ITPR1: variants seen among roughly 807,000 people sequenced by gnomAD.
ITPR1 encodes the protein inositol 1,4,5-trisphosphate-gated calcium channel ITPR1.
ITPR1 carries 96 observed loss-of-function variants against 318.4 expected under a neutral mutation model. The ratio of observed to expected loss-of-function variants is 0.30; its 90% CI spans 0.26 to 0.36. ITPR1 has a LOEUF of 0.36. Ranked by LOEUF, ITPR1 falls within the 10% of genes least tolerant of loss-of-function variation. The pLI is 1.00. For missense variants in ITPR1, 2,440 were observed against 3,460.2 expected (o/e 0.71, Z 7.40); for synonymous variants, 1,312 against 1,289.9 (o/e 1.02, Z -0.37).
At chr3:4,612,264 G>A (rs2092172702) in intron 4 of ITPR1, among the ~76,000 whole-genome samples, 1 of 151,990 alleles carries the variant, frequency 6.6e-6, no homozygotes, top group Admixed American at 6.5e-5. Flanking sequence ...GTTTCACCAT[G>A]TTGGCCAGGC....
intron 4 of ITPR1, among the ~76,000 whole-genome samples, chr3:4,597,916 C>T (rs964431843): frequency 6.6e-6 from 1 of 152,152 alleles, no homozygotes; most frequent in African/African-American, 2.4e-5. Flanking sequence ...TCTGTGGAGA[C>T]CAATCCCATG....
At chr3:4,668,194 A>G (rs1209726772) in intron 18 of ITPR1, among the ~76,000 whole-genome samples, 1 of 150,552 alleles carries the variant, frequency 6.6e-6, no homozygotes, top group East Asian at 1.9e-4. Context: ...TACAAACAGT[A>G]GGTCTTATTC....
chr3:4,718,198 C>T (rs2041909739), intron 40 of ITPR1, among the ~76,000 whole-genome samples: 1 of 152,088 alleles, frequency 6.6e-6, no homozygotes, highest in South Asian at 2.1e-4. Context: ...GTAAATGCTA[C>T]CAGAAAATTT....
intron 35 of ITPR1, 124 bp from the exon 36 acceptor site, chr3:4,702,706 A>G: frequency 9.6e-7 from 1 of 1,040,672 alleles, no homozygotes; most frequent in Non-Finnish European, 1.4e-6. Context: ...TCCATTAACA[A>G]GGCAGTGTCT....
intron 4 of ITPR1, among the ~76,000 whole-genome samples, chr3:4,533,703 G>A (rs1247453295): frequency 1.3e-5 from 2 of 152,178 alleles, no homozygotes; most frequent in Non-Finnish European, 2.9e-5. Context: ...TAGCCTTCCT[G>A]AATTTTTTAG....
chr3:4,764,254 G>C (rs1275576018), intron 44 of ITPR1, among the ~76,000 whole-genome samples: 1 of 152,214 alleles, frequency 6.6e-6, no homozygotes, highest in Non-Finnish European at 1.5e-5. Flanking sequence ...TCTCATATTT[G>C]AGCAATTTTC....
At chr3:4,761,559 G>C (rs1180218220) in intron 44 of ITPR1, among the ~76,000 whole-genome samples, 1 of 152,216 alleles carries the variant, frequency 6.6e-6, no homozygotes, top group Non-Finnish European at 1.5e-5. Context: ...ACCATCACCT[G>C]ATGTTTCCCA....
chr3:4,843,873 GTT>G (rs2051556954), intron 61 of ITPR1, among the ~76,000 whole-genome samples: 1 of 152,180 alleles, frequency 6.6e-6, no homozygotes, highest in Non-Finnish European at 1.5e-5. Flanking sequence ...AGTTTCAGAG[GTT>G]TCTTCAAGTT....
intron 39 of ITPR1, among the ~76,000 whole-genome samples, chr3:4,716,994 T>C (rs976861720): frequency 1.3e-5 from 2 of 152,200 alleles, no homozygotes; most frequent in African/African-American, 4.8e-5. Context: ...TCTACTCTAG[T>C]CTTTCACTCT....
intron 44 of ITPR1, among the ~76,000 whole-genome samples, chr3:4,746,468 C>G (rs1015812465): frequency 5.3e-5 from 8 of 152,208 alleles, no homozygotes; most frequent in Admixed American, 3.9e-4. Flanking sequence ...GACGTGCCCT[C>G]ATTCCCTTTG....
intron 4 of ITPR1, among the ~76,000 whole-genome samples, chr3:4,549,166 A>C (rs2085312346): frequency 6.6e-6 from 1 of 152,234 alleles, no homozygotes; most frequent in Non-Finnish European, 1.5e-5. Context: ...TCTAAATACC[A>C]ATTTGCCTTA....
rs781066658 is a variant in ITPR1, at chr3:4,673,270, C to T, written c.2339C>T (p.Ala780Val). 6.2e-7 allele frequency: 1 copy of T among 1,613,986 alleles called. No homozygotes were observed. Among genetic ancestry groups the T allele is most frequent in the Non-Finnish European group, 8.5e-7 (1 of 1,179,868 alleles). Reference protein sequence around the residue: ...SDENLPYDLRASFCRLMLHMH... With the variant: ...SDENLPYDLRVSFCRLMLHMH... ...GAGAACCTGCCCTATGACCTCAGGGCGTCCTTCTGCCGCCTCATGCTTCAC... is the reference window on the plus strand; with the variant it reads ...GAGAACCTGCCCTATGACCTCAGGGTGTCCTTCTGCCGCCTCATGCTTCAC... Residue 780 changes from alanine (A) to valine (V), a missense_variant, in exon 21 of 62, where the codon GCG (alanine) becomes GTG (valine). By Grantham distance (64) the Ala-to-Val change is moderately conservative (BLOSUM62 0). Around this residue, in one of 23 missense-constraint regions of ITPR1, gnomAD observed 478 missense variants for 696.3 expected, o/e 0.69. Coordinates refer to ENST00000649015, the MANE Select transcript of ITPR1 (RefSeq NM_001378452.1).
chr3:4,657,514 C>T (rs1450120613), intron 12 of ITPR1, among the ~76,000 whole-genome samples: 2 of 148,502 alleles, frequency 1.3e-5, no homozygotes, highest in Non-Finnish European at 3.0e-5. Context: ...GTCGTCTAGG[C>T]TGAAATGCGG....
chr3:4,621,129 C>G (rs979493826), intron 4 of ITPR1, among the ~76,000 whole-genome samples: 1 of 152,140 alleles, frequency 6.6e-6, no homozygotes, highest in African/African-American at 2.4e-5. Flanking sequence ...TAGGTACCAT[C>G]ACTGTATTAG....
At chr3:4,732,084 C>T (rs2042965886) in intron 42 of ITPR1, among the ~76,000 whole-genome samples, 2 of 152,084 alleles carry the variant, frequency 1.3e-5, no homozygotes, top group Non-Finnish European at 2.9e-5. Context: ...ACTTTTAGAA[C>T]CTTCAGATTA....
At chr3:4,838,422 C>T (rs1020572805) in intron 61 of ITPR1, among the ~76,000 whole-genome samples, 2 of 151,800 alleles carry the variant, frequency 1.3e-5, no homozygotes, top group Non-Finnish European at 2.9e-5. Context: ...TGGCACTGCC[C>T]CCCCAACCCC....
At chr3:4,529,082 T>C (rs1485902700) in intron 4 of ITPR1, among the ~76,000 whole-genome samples, 1 of 152,182 alleles carries the variant, frequency 6.6e-6, no homozygotes, top group African/African-American at 2.4e-5. Flanking sequence ...AGCTATGAGA[T>C]GCATGTCTGA....
intron 4 of ITPR1, among the ~76,000 whole-genome samples, chr3:4,529,211 A>G (rs2083221270): frequency 1.3e-5 from 2 of 152,164 alleles, no homozygotes; most frequent in Non-Finnish European, 2.9e-5. Flanking sequence ...CCCCTCTTTT[A>G]TAGTCATTTA....
At chr3:4,617,197 T>A (rs1249464609) in intron 4 of ITPR1, among the ~76,000 whole-genome samples, 2 of 152,100 alleles carry the variant, frequency 1.3e-5, no homozygotes, top group African/African-American at 4.8e-5. Context: ...CCATTGATAC[T>A]TGGCATTTTC....
Sources: allele counts gnomAD v4.1 joint callset (sites outside exome capture counted in the v4.1 genomes callset), GRCh38; gene constraint gnomAD v4.1.1; regional missense constraint gnomAD v4.1.1; transcripts MANE v1.5; gene names NCBI Gene and HGNC (gene_info 2026-07-23, HGNC 2026-07-21).